Variants in DNAJC17 observed in about 807,000 individuals in gnomAD.
DNAJC17 encodes the protein dnaJ homolog subfamily C member 17.
Under a neutral mutation model 48.1 loss-of-function variants are expected in DNAJC17, and 35 were observed. That is an observed-to-expected ratio of 0.73 (90% CI 0.56 to 0.96). DNAJC17 has a LOEUF of 0.96. Ranked by LOEUF, DNAJC17 falls within the 50% of genes least tolerant of loss-of-function variation. The pLI is 0.00. For synonymous variants in DNAJC17, 117 were observed against 142.7 expected, an observed-to-expected ratio of 0.82 and a Z score of 1.28; for missense variants, 355 against 377.1, an observed-to-expected ratio of 0.94 and a Z score of 0.48.
At chr15:40,773,236 C>T (rs183472660) in intron 10 of DNAJC17, among the ~76,000 whole-genome samples, 4 of 152,100 alleles carry the variant, frequency 2.6e-5, no homozygotes, top group Non-Finnish European at 5.9e-5. Flanking sequence ...CTGGGATTAA[C>T]GGCATGAGCC....
At chr15:40,768,891 G>C (rs1889036714) in intron 10 of DNAJC17, among the ~76,000 whole-genome samples, 1 of 152,262 alleles carries the variant, frequency 6.6e-6, no homozygotes, top group Non-Finnish European at 1.5e-5. Flanking sequence ...ACAGAAGTGA[G>C]CTAGGCCAGG....
chr15:40,767,443 C>T lies in DNAJC17; in HGVS notation c.*497G>A, dbSNP rs1442318303. 1.5e-6 allele frequency: 2 copies of T among 1,378,686 alleles called. No homozygotes were observed. The highest frequency in any genetic ancestry group is 1.9e-6 in the Non-Finnish European group (2 of 1,026,568). The allele number at this position is 1,378,686 out of a possible 1,614,324, so 85.4% of individuals were successfully genotyped here. ...TCCTGCCTCACCGTCTGCCTTGCTC[C>T]TCTCTTCCCAAATCATCACCGCCAT... On this transcript the variant is annotated 3_prime_UTR_variant, in exon 11 of 11. Transcript: ENST00000220496.
At chr15:40,771,308 A>C (rs1418549138) in intron 10 of DNAJC17, 3 of 448,768 alleles carry the variant, frequency 6.7e-6, no homozygotes, top group Non-Finnish European at 1.2e-5. Flanking sequence ...TATGCCGGGA[A>C]AGGGAGGCTG....
Position 40,765,359 on chromosome 15 carries a change from T to C in DNAJC17, c.*2581A>G, listed in dbSNP as rs774552680. The C allele has an allele frequency of 6.6e-6, 1 of 152,408 alleles. No individual in the cohort carries two copies. The highest frequency in any genetic ancestry group is 2.1e-4 in the South Asian group (1 of 4,848). The allele number at this position is 152,408 out of a possible 1,614,324, so 9.4% of individuals were successfully genotyped here. A position where few individuals can be genotyped will look rare whatever the true frequency, so the allele number is the denominator to read the frequency against. ...GCAGACACTCTTGATTTCCCCCAAG[T>C]CCCTCAGCCCTAGATAACCACTAAT... is the stretch of plus-strand genomic sequence containing the variant. On this transcript the variant is annotated 3_prime_UTR_variant, in exon 11 of 11. Coordinates refer to ENST00000220496, the MANE Select transcript of DNAJC17 (RefSeq NM_018163.3).
chr15:40,767,160 C>T lies in DNAJC17; in HGVS notation c.*780G>A. On this transcript the variant is annotated 3_prime_UTR_variant, in exon 11 of 11. Transcript: ENST00000220496. ...GAGTGGCCAGGCTGCCTGCTGCAGA[C>T]ACTAGCTTTGTACCAGGAGCTTGCT... The T allele has an allele frequency of 1.4e-6, 2 of 1,423,420 alleles. No homozygotes were observed. The highest frequency in any genetic ancestry group is 1.7e-5 in the South Asian group (1 of 60,594). The allele number at this position is 1,423,420 out of a possible 1,614,324, so 88.2% of individuals were successfully genotyped here. A position where few individuals can be genotyped will look rare whatever the true frequency, so the allele number is the denominator to read the frequency against.
At chr15:40,803,871 T>A (rs1890134031) in intron 1 of DNAJC17, among the ~76,000 whole-genome samples, 2 of 152,134 alleles carry the variant, frequency 1.3e-5, no homozygotes, top group Non-Finnish European at 2.9e-5. Context: ...AGCTCAGACC[T>A]TGGTCTCTTG....
At chr15:40,779,368 C>T (rs28498351) in intron 3 of DNAJC17, 58 bp from the exon 4 acceptor site, 7 of 1,592,550 alleles carry the variant, frequency 4.4e-6, no homozygotes, top group East Asian at 2.2e-5. Context: ...GACAGAGCCC[C>T]GGCAATCTGC....
intron 1 of DNAJC17, among the ~76,000 whole-genome samples, chr15:40,791,981 G>C (rs989858055): frequency 6.6e-6 from 1 of 152,210 alleles, no homozygotes; most frequent in Non-Finnish European, 1.5e-5. Flanking sequence ...TTCAGATCCA[G>C]AAATGGCCCC....
chr15:40,780,762 C>T (rs1025407257), intron 1 of DNAJC17, among the ~76,000 whole-genome samples: 11 of 151,110 alleles, frequency 7.3e-5, no homozygotes, highest in African/African-American at 1.5e-4. Context: ...TGCAGTGAGC[C>T]GAAATCGCAC....
rs952158404 is a variant in DNAJC17, at chr15:40,777,269, TTCTC to T, written c.296-646_296-643del. On this transcript the variant is annotated intron_variant, in intron 4 of 10. Coordinates refer to ENST00000220496, the MANE Select transcript of DNAJC17 (RefSeq NM_018163.3). ...CACTTTACTTACTTAGACTCTCCTT[TTCTC>T]TCTCTCTCTTTTTTTTTTTTTTTTT... Among the ~76,000 whole-genome samples, 397 of 151,088 alleles carry T rather than the reference TTCTC, an allele frequency of 2.6e-3. 6 individuals carry two copies. The highest frequency in any genetic ancestry group is 8.5e-3 in the African/African-American group (346 of 40,740).
chr15:40,802,759 A>G (rs946493720), intron 1 of DNAJC17, among the ~76,000 whole-genome samples: 2 of 152,124 alleles, frequency 1.3e-5, no homozygotes, highest in African/African-American at 4.8e-5. Flanking sequence ...CGCCATCAGT[A>G]ACACAGGGAG....
At chr15:40,778,101 A>T (rs751254436) in intron 4 of DNAJC17, among the ~76,000 whole-genome samples, 10 of 152,034 alleles carry the variant, frequency 6.6e-5, no homozygotes, top group Non-Finnish European at 1.3e-4. Flanking sequence ...CCAAGGCAGA[A>T]GGACTGCTTG....
rs761869231 is a variant in DNAJC17 at position 40,776,178 on chromosome 15, G to A, written c.478+18C>T. The A allele has an allele frequency of 3.4e-5, 54 of 1,610,272 alleles. No homozygotes were observed. The South Asian group carries it at 3.4e-4, about 10-fold the overall frequency. ...GAGCTACCTTGGAGGGGAGATAGGCGGGGTGATAGACCTGCACCTCTCAAC... is the reference window on the plus strand; with the variant it reads ...GAGCTACCTTGGAGGGGAGATAGGCAGGGTGATAGACCTGCACCTCTCAAC... On this transcript the variant is annotated intron_variant, in intron 6 of 10. Transcript: ENST00000220496.
intron 1 of DNAJC17, among the ~76,000 whole-genome samples, chr15:40,791,432 G>A (rs1461457747): frequency 6.6e-6 from 1 of 152,066 alleles, no homozygotes; most frequent in Admixed American, 6.6e-5. Context: ...GGAGGCTGAG[G>A]GAGAAGAATT....
At chr15:40,807,103 C>A in intron 1 of DNAJC17, 2 of 761,874 alleles carry the variant, frequency 2.6e-6, no homozygotes, top group Non-Finnish European at 4.1e-6. Flanking sequence ...CTTGCTGCCT[C>A]GCCCCGCGGC....
intron 1 of DNAJC17, among the ~76,000 whole-genome samples, chr15:40,786,850 A>G (rs1487547422): frequency 6.6e-6 from 1 of 152,172 alleles, no homozygotes; most frequent in East Asian, 1.9e-4. Flanking sequence ...CTTTCTCCTG[A>G]TGGCTTTCTA....
At chr15:40,798,271 T>G (rs1889988814) in intron 1 of DNAJC17, among the ~76,000 whole-genome samples, 1 of 152,234 alleles carries the variant, frequency 6.6e-6, no homozygotes, top group Non-Finnish European at 1.5e-5. Flanking sequence ...TGATTCCATT[T>G]ATATGAGGTT....
Position 40,767,943 on chromosome 15 carries a change from C to T in DNAJC17, c.912G>A (p.Thr304=), listed in dbSNP as rs760787274. Residue 304 remains threonine, a synonymous_variant, in exon 11 of 11, where the codon ACG becomes ACA. Transcript: ENST00000220496. ...MQQEDQEGPP[T] is the part of the protein sequence containing the mutation. ...GGGTGGATGGCTGGAGCTGGGGCTA[C>T]GTAGGCGGCCCCTCCTGGTCTTCCT... The T allele has an allele frequency of 1.1e-5, 17 of 1,612,738 alleles. No homozygotes were observed. The highest frequency in any genetic ancestry group is 3.3e-4 in the Middle Eastern group (2 of 6,014).
intron 9 of DNAJC17, 124 bp downstream of exon 9, chr15:40,774,232 C>G: frequency 8.8e-7 from 1 of 1,131,294 alleles, no homozygotes; most frequent in Non-Finnish European, 1.3e-6. Flanking sequence ...AGAGCCTTGG[C>G]TCTAAGCTGG....
Sources: gnomAD v4.1 joint callset for allele counts (sites outside exome capture counted in the v4.1 genomes callset) on GRCh38, gnomAD v4.1.1 for gene constraint, MANE v1.5 for transcripts, NCBI Gene and HGNC (gene_info 2026-07-23, HGNC 2026-07-21) for gene names.